DLGAP2: variants seen among roughly 807,000 people sequenced by gnomAD.
The protein encoded by DLGAP2 is DLG associated protein 2, also known as disks large-associated protein 2.
In DLGAP2, 26 loss-of-function variants were observed where a neutral mutation model predicts 100.3. The ratio of observed to expected loss-of-function variants is 0.26; its 90% CI spans 0.19 to 0.36. The LOEUF (loss-of-function observed/expected upper bound fraction) is 0.36. Ranked by LOEUF, DLGAP2 falls within the 10% of genes least tolerant of loss-of-function variation. DLGAP2 has a pLI of 1.00. For synonymous variants in DLGAP2, 886 were observed against 630.1 expected (o/e 1.41, Z -6.08); for missense variants, 1,858 against 1,453.2 (o/e 1.28, Z -4.53).
At chr8:1,628,161 C>T (rs1474384905) in intron 7 of DLGAP2, among the ~76,000 whole-genome samples, 1 of 111,192 alleles carries the variant, frequency 9.0e-6, no homozygotes, top group Non-Finnish European at 1.7e-5. Flanking sequence ...AGAGCCTGAG[C>T]TGACCTCACA....
chr8:1,608,853 A>G (rs1463020063), intron 6 of DLGAP2, among the ~76,000 whole-genome samples: 2 of 150,898 alleles, frequency 1.3e-5, no homozygotes, highest in Non-Finnish European at 3.0e-5. Flanking sequence ...AAGAATAAAA[A>G]GAAATGAGCA....
intron 4 of DLGAP2, among the ~76,000 whole-genome samples, chr8:1,509,160 G>A (rs966720729): frequency 4.0e-5 from 6 of 151,764 alleles, no homozygotes; most frequent in Non-Finnish European, 8.8e-5. Flanking sequence ...GTAAAACCCC[G>A]TCTCTACTAA....
At chr8:932,157 C>T (rs1798973928) in intron 2 of DLGAP2, among the ~76,000 whole-genome samples, 1 of 152,208 alleles carries the variant, frequency 6.6e-6, no homozygotes, top group South Asian at 2.1e-4. Context: ...CAAACCTTTT[C>T]CTTTTCACCT....
rs923013454 is a variant in DLGAP2, at chr8:1,041,801, G to T, written c.73+133835G>T. 2.6e-5 allele frequency among the ~76,000 whole-genome samples: 4 copies of T among 151,592 alleles called. No individual in the cohort carries two copies. In the East Asian group the frequency reaches 7.9e-4, roughly 30 times the overall value. On this transcript the variant is annotated intron_variant, in intron 2 of 14. Transcript: ENST00000637795. Reference sequence around the variant, plus strand: ...GGGAAATGTGTACTCCGAGCCCCTTGTCGTGGGTGAGTGTTCTCCGAGCTC... The same window carrying T: ...GGGAAATGTGTACTCCGAGCCCCTTTTCGTGGGTGAGTGTTCTCCGAGCTC...
At chr8:1,493,454 A>G (rs1799452428) in intron 3 of DLGAP2, among the ~76,000 whole-genome samples, 1 of 152,188 alleles carries the variant, frequency 6.6e-6, no homozygotes, top group Non-Finnish European at 1.5e-5. Context: ...CGCCTCTGCG[A>G]GCCCAGTGCA....
intron 3 of DLGAP2, among the ~76,000 whole-genome samples, chr8:1,329,083 A>ACAG (rs1563085932): frequency 4.9e-4 from 74 of 151,630 alleles, no homozygotes; most frequent in African/African-American, 1.4e-3. Flanking sequence ...ACAGGTGACA[A>ACAG]GCGACAAGCG....
rs142919016 is a variant in DLGAP2 at position 1,275,452 on chromosome 8, C to T, written c.106+16569C>T. Reference sequence around the variant, plus strand: ...TACCATTAAGGCCTTGGACACTGGTCCTGGGGCCATCCGGAGATGACTTCA... The same window carrying T: ...TACCATTAAGGCCTTGGACACTGGTTCTGGGGCCATCCGGAGATGACTTCA... On this transcript the variant is annotated intron_variant, in intron 3 of 14. Transcript: ENST00000637795. 5.2e-3 allele frequency among the ~76,000 whole-genome samples: 790 copies of T among 151,816 alleles called. 3 individuals are homozygous for T. Among genetic ancestry groups the T allele is most frequent in the South Asian group, 0.014 (67 of 4,808 alleles).
At chr8:1,339,320 G>T (rs1801366433) in intron 3 of DLGAP2, among the ~76,000 whole-genome samples, 1 of 151,462 alleles carries the variant, frequency 6.6e-6, no homozygotes, top group Admixed American at 6.6e-5. Flanking sequence ...GGGAGGGAAT[G>T]CAGTGACCTC....
rs550526775 is a variant in DLGAP2 at position 937,218 on chromosome 8, C to G, written c.73+29252C>G. On this transcript the variant is annotated intron_variant, in intron 2 of 14. Coordinates refer to ENST00000637795, the MANE Select transcript of DLGAP2 (RefSeq NM_001346810.2). ...GAAAATGCTATCATTTAGAAAGGAT[C>G]TCTCAGCTGTGAGTCCTCTCTAGTC... Among the ~76,000 whole-genome samples, 15 of 152,306 alleles carry G rather than the reference C, an allele frequency of 9.8e-5. No homozygotes were observed. In the South Asian group the frequency reaches 1.4e-3, roughly 15 times the overall value.
At chr8:1,004,618 C>T (rs749522750) in intron 2 of DLGAP2, among the ~76,000 whole-genome samples, 12 of 152,270 alleles carry the variant, frequency 7.9e-5, no homozygotes, top group South Asian at 2.1e-4. Flanking sequence ...GTCCACAGCT[C>T]GCACACTGAG....
chr8:908,386 G>C (rs1798421519), intron 2 of DLGAP2, among the ~76,000 whole-genome samples: 1 of 152,126 alleles, frequency 6.6e-6, no homozygotes, highest in East Asian at 1.9e-4. Context: ...TTGTGATCAG[G>C]GTGGGAATCG....
At chr8:1,276,216 C>G (rs574597490) in intron 3 of DLGAP2, among the ~76,000 whole-genome samples, 25 of 150,894 alleles carry the variant, frequency 1.7e-4, no homozygotes, top group Admixed American at 2.7e-4. Flanking sequence ...ACACTCCCCC[C>G]CCGACCCTAG....
intron 2 of DLGAP2, among the ~76,000 whole-genome samples, chr8:1,242,626 G>T (rs972352830): frequency 1.3e-5 from 2 of 152,218 alleles, no homozygotes; most frequent in Non-Finnish European, 2.9e-5. Flanking sequence ...ACTTGTTGCC[G>T]TTGACCTTGT....
rs1039586060 is a variant in DLGAP2 at position 1,678,445 on chromosome 8, C to T, written c.2520C>T (p.Ser840=). The T allele has an allele frequency of 2.5e-6, 4 of 1,613,510 alleles. No individual in the cohort carries two copies. In the African/African-American group the frequency reaches 4.0e-5, roughly 16 times the overall value. Residue 840 remains serine (S), a synonymous_variant, in exon 12 of 15, where the codon TCC becomes TCT. Transcript: ENST00000637795. ...REDYRTQVDT[S]TLPPPDPWLE... Reference sequence around the variant, plus strand: ...ACTATCGGACCCAAGTGGACACCTCCACCCTGCCCCCTCCAGACCCCTGGC... The same window carrying T: ...ACTATCGGACCCAAGTGGACACCTCTACCCTGCCCCCTCCAGACCCCTGGC...
chr8:1,255,216 TC>T, intron 2 of DLGAP2, among the ~76,000 whole-genome samples: 1 of 90,156 alleles, frequency 1.1e-5, no homozygotes, highest in South Asian at 5.4e-4. Context: ...TGCCCTCTCA[TC>T]CTGCCTGGGT....
chr8:1,012,386 A>G (rs1466432347), intron 2 of DLGAP2, among the ~76,000 whole-genome samples: 11 of 152,228 alleles, frequency 7.2e-5, no homozygotes, highest in African/African-American at 2.4e-5. Flanking sequence ...CCCGCGGCAA[A>G]TGCTTCTTGG....
rs1227368996 is a variant in DLGAP2 at position 1,678,476 on chromosome 8, C to T, written c.2551C>T (p.Pro851Ser). ...TLPPPDPWLEPAIDTVETGRM... is the reference protein window; with the variant it reads ...TLPPPDPWLESAIDTVETGRM... Reference sequence around the variant, plus strand: ...GCCCCCTCCAGACCCCTGGCTGGAGCCCGCCATCGACACGGTAGAGACTGG... The same window carrying T: ...GCCCCCTCCAGACCCCTGGCTGGAGTCCGCCATCGACACGGTAGAGACTGG... Residue 851 changes from proline to serine, a missense_variant, in exon 12 of 15, where the codon CCC (proline) becomes TCC (serine). Physicochemically the swap from Pro to Ser is moderately conservative, Grantham distance 74. Coordinates refer to ENST00000637795, the MANE Select transcript of DLGAP2 (RefSeq NM_001346810.2). 4 of 1,613,170 alleles carry T rather than the reference C, an allele frequency of 2.5e-6. No homozygotes were observed. The highest frequency in any genetic ancestry group is 2.2e-5 in the South Asian group (2 of 90,962).
chr8:785,459 C>T (rs1378273666), intron 1 of DLGAP2, among the ~76,000 whole-genome samples: 1 of 149,300 alleles, frequency 6.7e-6, no homozygotes, highest in South Asian at 2.1e-4. Context: ...TCTCTGAGAC[C>T]GGCCTCCCTC....
intron 1 of DLGAP2, among the ~76,000 whole-genome samples, chr8:807,554 C>T (rs1250577506): frequency 1.2e-5 from 1 of 86,356 alleles, no homozygotes; most frequent in Non-Finnish European, 2.3e-5. Context: ...CATACGTTCT[C>T]TCTCCTCTTT....
Sources: allele counts gnomAD v4.1 joint callset (sites outside exome capture counted in the v4.1 genomes callset), GRCh38; gene constraint gnomAD v4.1.1; transcripts MANE v1.5; gene names NCBI Gene and HGNC (gene_info 2026-07-23, HGNC 2026-07-21).